Variants in IL1RAP observed in about 807,000 individuals in gnomAD.
IL1RAP encodes interleukin 1 receptor accessory protein.
IL1RAP carries 35 observed loss-of-function variants against 60.7 expected under a neutral mutation model. The ratio of observed to expected loss-of-function variants is 0.58; its 90% CI spans 0.44 to 0.76. The LOEUF (loss-of-function observed/expected upper bound fraction) is 0.76, where lower values mean the gene tolerates loss of function less well. IL1RAP is among the 30% of genes least tolerant of loss of function. IL1RAP has a pLI of 0.00. For synonymous variants in IL1RAP, 268 were observed against 250.9 expected (o/e 1.07, Z -0.64); for missense variants, 572 against 693.9 (o/e 0.82, Z 1.97).
chr3:190,518,377 G>T (rs1273907120), intron 1 of IL1RAP: 1 of 152,138 alleles, frequency 6.6e-6, no homozygotes, highest in African/African-American at 2.4e-5. Context: ...CTCCTTCAAT[G>T]TATTAGTCTG....
chr3:190,571,763 C>A (rs938545581), intron 3 of IL1RAP, among the ~76,000 whole-genome samples: 8 of 152,186 alleles, frequency 5.3e-5, no homozygotes, highest in Admixed American at 3.3e-4. Flanking sequence ...GGCCCGCGGG[C>A]CACATGAAGC....
chr3:190,564,193 C>T, intron 2 of IL1RAP, 96 bp from the exon 3 acceptor site: 1 of 782,644 alleles, frequency 1.3e-6, no homozygotes, highest in Non-Finnish European at 2.3e-6. Flanking sequence ...AGAACAGTCC[C>T]TAGTCTATAG....
At chr3:190,610,602 A>T (rs61205206) in intron 5 of IL1RAP, among the ~76,000 whole-genome samples, 7,403 of 152,228 alleles carry the variant, frequency 0.049, 595 homozygotes, top group African/African-American at 0.17. Context: ...AGAGATAAAG[A>T]TGACCTTTCA....
intron 3 of IL1RAP, among the ~76,000 whole-genome samples, chr3:190,577,064 G>A (rs186253762): frequency 0.011 from 1,402 of 132,494 alleles, 9 homozygotes; most frequent in Non-Finnish European, 0.014. Flanking sequence ...TCGCGCCACC[G>A]CACTCCCGCC....
At chr3:190,525,145 T>C (rs536192063) in intron 1 of IL1RAP, among the ~76,000 whole-genome samples, 1 of 152,240 alleles carries the variant, frequency 6.6e-6, no homozygotes, top group South Asian at 2.1e-4. Flanking sequence ...GATGAAAATA[T>C]GTACATATGA....
chr3:190,559,892 A>G (rs1405869510), intron 2 of IL1RAP, among the ~76,000 whole-genome samples: 1 of 152,224 alleles, frequency 6.6e-6, no homozygotes, highest in Admixed American at 6.5e-5. Context: ...TTATAACTGC[A>G]AAGACAGGAT....
chr3:190,643,104 T>G (rs898473190), intron 9 of IL1RAP, among the ~76,000 whole-genome samples: 20 of 152,112 alleles, frequency 1.3e-4, no homozygotes, highest in Non-Finnish European at 2.4e-4. Flanking sequence ...ACTGTAAAGG[T>G]ATAGTTAATG....
In IL1RAP at chr3:190,576,776, G is replaced by A. The variant is rs558340949; in HGVS notation, c.64+12423G>A. 8.1e-4 allele frequency among the ~76,000 whole-genome samples: 124 copies of A among 152,262 alleles called. 1 individual carries two copies. The South Asian group carries it at 9.8e-3, about 12-fold the overall frequency. On this transcript the variant is annotated intron_variant, in intron 3 of 11. Transcript: ENST00000447382. ...CATGCTATATTCTAAGAAAATACTC[G>A]GAGAAATGCATCAAGACATGCTCAA...
intron 9 of IL1RAP, among the ~76,000 whole-genome samples, chr3:190,631,260 A>C (rs2193878): frequency 6.6e-6 from 1 of 152,266 alleles, no homozygotes; most frequent in South Asian, 2.1e-4. Context: ...GACATAAATT[A>C]ATAACTTATT....
chr3:190,647,134 G>A (rs1021203093), intron 11 of IL1RAP, among the ~76,000 whole-genome samples: 12 of 151,912 alleles, frequency 7.9e-5, no homozygotes, highest in Admixed American at 1.3e-4. Flanking sequence ...TCTCCCTGCC[G>A]CTCTTACCCA....
chr3:190,594,946 G>C (rs1003000175), intron 3 of IL1RAP, among the ~76,000 whole-genome samples: 5 of 152,148 alleles, frequency 3.3e-5, no homozygotes, highest in Non-Finnish European at 4.4e-5. Flanking sequence ...AAATGGTTGA[G>C]GGACTTCATT....
At chr3:190,616,736 C>G (rs1210347235) in intron 5 of IL1RAP, among the ~76,000 whole-genome samples, 4 of 152,192 alleles carry the variant, frequency 2.6e-5, no homozygotes, top group African/African-American at 9.6e-5. Flanking sequence ...TCCAAATACT[C>G]ATCAGCACTT....
In IL1RAP at chr3:190,522,327, TTC is replaced by T. The variant is rs1491578649; in HGVS notation, c.-89+8109_-89+8110del. ...CTTCCTTCCTTCCTTCCTTCCTTCC[TTC>T]CTTCCTTCCTTCCTCCCTCCCTCCC... On this transcript the variant is annotated intron_variant, in intron 1 of 11. Coordinates refer to ENST00000447382, the MANE Select transcript of IL1RAP (RefSeq NM_002182.4). Among the ~76,000 whole-genome samples the T allele has an allele frequency of 4.1e-3, 604 of 147,522 alleles. 7 individuals carry two copies. The highest frequency in any genetic ancestry group is 0.013 in the African/African-American group (479 of 37,680).
At chr3:190,554,269 G>GA (rs1050404101) in intron 1 of IL1RAP, among the ~76,000 whole-genome samples, 15 of 150,236 alleles carry the variant, frequency 1.0e-4, no homozygotes, top group South Asian at 2.1e-4. Flanking sequence ...GGGCAAAAAG[G>GA]AAAAAAAAAG....
At chr3:190,533,636 G>A (rs1723173399) in intron 1 of IL1RAP, among the ~76,000 whole-genome samples, 2 of 152,320 alleles carry the variant, frequency 1.3e-5, no homozygotes, top group South Asian at 4.1e-4. Flanking sequence ...GGTTCCGTCA[G>A]GCCCTCTTAC....
intron 5 of IL1RAP, chr3:190,615,371 G>T (rs1731176805): frequency 9.0e-7 from 1 of 1,117,218 alleles, no homozygotes; most frequent in African/African-American, 2.0e-5. Context: ...CAGTCCTTTT[G>T]TTGTTGCTTT....
chr3:190,527,503 C>T (rs1722608927), intron 1 of IL1RAP, among the ~76,000 whole-genome samples: 1 of 152,122 alleles, frequency 6.6e-6, no homozygotes, highest in South Asian at 2.1e-4. Context: ...GGGACCTCCC[C>T]TGCAGTGAAG....
At chr3:190,607,440 A>C (rs999133723) in intron 4 of IL1RAP, among the ~76,000 whole-genome samples, 2 of 152,336 alleles carry the variant, frequency 1.3e-5, no homozygotes, top group Non-Finnish European at 2.9e-5. Flanking sequence ...TTATGTAATA[A>C]AAAACATAAA....
At chr3:190,628,547 A>G (rs577368622) in intron 8 of IL1RAP, among the ~76,000 whole-genome samples, 6 of 152,326 alleles carry the variant, frequency 3.9e-5, no homozygotes, top group Admixed American at 2.0e-4. Flanking sequence ...TTTCTCTGCG[A>G]TAAGTAAAGG....
Sources: gnomAD v4.1 joint callset for allele counts (sites outside exome capture counted in the v4.1 genomes callset) on GRCh38, gnomAD v4.1.1 for gene constraint, MANE v1.5 for transcripts, NCBI Gene and HGNC (gene_info 2026-07-23, HGNC 2026-07-21) for gene names.